Variants in TLE1 observed in about 807,000 individuals in gnomAD.
TLE1 encodes the protein TLE family member 1, transcriptional corepressor, also known as transducin-like enhancer protein 1.
Under a neutral mutation model 89.8 loss-of-function variants are expected in TLE1, and 21 were observed. That is an observed-to-expected ratio of 0.23 (90% CI 0.17 to 0.34). TLE1 has a LOEUF of 0.34. Among genes scored for constraint, TLE1 ranks in the 10% least tolerant of loss-of-function variants. The pLI, the probability that TLE1 is intolerant of heterozygous loss-of-function variation, is 1.00. For synonymous variants in TLE1, 447 were observed against 407.6 expected (o/e 1.10, Z -1.16); for missense variants, 795 against 1,031.2 (o/e 0.77, Z 3.14).
intron 14 of TLE1, among the ~76,000 whole-genome samples, chr9:81,598,615 C>A (rs1830520068): frequency 1.3e-5 from 2 of 152,042 alleles, no homozygotes; most frequent in African/African-American, 2.4e-5. Flanking sequence ...GGAAAATCTG[C>A]TAAAATAAGG....
chr9:81,688,603 T>G lies in TLE1; in HGVS notation c.-363A>C. 4.1e-6 allele frequency: 1 copy of G among 246,344 alleles called. No homozygotes were observed. Among genetic ancestry groups the G allele is most frequent in the Non-Finnish European group, 7.7e-6 (1 of 130,130 alleles). 15.3% of individuals were successfully genotyped at this position (246,344 alleles called of 1,614,324 possible). On this transcript the variant is annotated 5_prime_UTR_variant, in exon 1 of 20. Transcript: ENST00000376499. ...GGGGGCGCGGTGACTCCGACCGCAC[T>G]CCCCTCGGCGATCCGCGTGCGCGGC... is the stretch of plus-strand genomic sequence containing the variant.
Position 81,634,256 on chromosome 9 carries a change from G to A in TLE1, c.418C>T (p.Pro140Ser), listed in dbSNP as rs757829888. Residue 140 changes from proline (P) to serine (S), a missense_variant, in exon 7 of 20, where the codon CCA (proline) becomes TCA (serine). Around this residue, in one of 4 missense-constraint regions of TLE1, gnomAD observed 468 missense variants for 509.1 expected, o/e 0.92. Transcript: ENST00000376499. ...AQHLSHGHGP[P>S]VPLTPHPSGL... ...GAAGGGTGAGGCGTAAGGGGAACTG[G>A]GGGTCCGTGGCCATGAGAAAGATGC... 1.3e-6 allele frequency: 2 copies of A among 1,565,960 alleles called. No homozygotes were observed. Among genetic ancestry groups the A allele is most frequent in the Non-Finnish European group, 1.7e-6 (2 of 1,150,944 alleles).
intron 1 of TLE1, 44 bp from the exon 2 acceptor site, chr9:81,687,478 C>G: frequency 1.4e-6 from 2 of 1,474,834 alleles, no homozygotes; most frequent in Non-Finnish European, 1.9e-6. Flanking sequence ...GGAATGCGGG[C>G]GGATGAATAA....
At chr9:81,654,501 C>T (rs1056495238) in intron 4 of TLE1, among the ~76,000 whole-genome samples, 1 of 152,084 alleles carries the variant, frequency 6.6e-6, no homozygotes, top group Non-Finnish European at 1.5e-5. Flanking sequence ...CCACCACTCC[C>T]GGCTAATTTT....
chr9:81,663,587 T>C (rs1243132558), intron 4 of TLE1, among the ~76,000 whole-genome samples: 1 of 151,802 alleles, frequency 6.6e-6, no homozygotes, highest in African/African-American at 2.4e-5. Flanking sequence ...CACCGTGCCC[T>C]TGCTACCCTA....
At chr9:81,637,009 AAAAAAAAG>A (rs1215433405) in intron 6 of TLE1, among the ~76,000 whole-genome samples, 11 of 150,664 alleles carry the variant, frequency 7.3e-5, no homozygotes, top group African/African-American at 2.5e-4. Context: ...TCTCAAAAAA[AAAAAAAAG>A]AAAAAAGAAA....
intron 4 of TLE1, among the ~76,000 whole-genome samples, chr9:81,657,011 T>C (rs1830222798): frequency 6.6e-6 from 1 of 152,226 alleles, no homozygotes; most frequent in Non-Finnish European, 1.5e-5. Flanking sequence ...ATATTGAGTT[T>C]TGTTGACCTT....
At chr9:81,618,181 A>C (rs761145427) in intron 9 of TLE1, among the ~76,000 whole-genome samples, 20 of 152,246 alleles carry the variant, frequency 1.3e-4, no homozygotes, top group Middle Eastern at 3.2e-3. Flanking sequence ...AAAGCAGGAC[A>C]TCTCAATGGT....
intron 8 of TLE1, among the ~76,000 whole-genome samples, chr9:81,627,151 T>C (rs1826004636): frequency 6.6e-6 from 1 of 151,984 alleles, no homozygotes; most frequent in Non-Finnish European, 1.5e-5. Flanking sequence ...CCTCCTTATC[T>C]CAAAGATGAG....
chr9:81,657,124 T>C (rs1830236031), intron 4 of TLE1, among the ~76,000 whole-genome samples: 1 of 152,242 alleles, frequency 6.6e-6, no homozygotes, highest in Admixed American at 6.5e-5. Flanking sequence ...TATTTATTGC[T>C]CCACTCTATG....
chr9:81,683,870 T>C (rs1025676185), intron 4 of TLE1, among the ~76,000 whole-genome samples: 1 of 152,126 alleles, frequency 6.6e-6, no homozygotes, highest in Non-Finnish European at 1.5e-5. Flanking sequence ...TCTCACACCA[T>C]GGTGCTTCTG....
At position 81,613,607 on chromosome 9, in the gene TLE1, G is replaced by C. The variant is rs1824000173; in HGVS notation, c.919-86C>G. 8.0e-6 allele frequency: 12 copies of C among 1,501,014 alleles called. No homozygotes were observed. The South Asian group carries it at 1.5e-4, about 19-fold the overall frequency. The allele number at this position is 1,501,014 out of a possible 1,614,324, so 93.0% of individuals were successfully genotyped here. On this transcript the variant is annotated intron_variant, in intron 11 of 19. Transcript: ENST00000376499. ...TATCACAACAGCAGCTGGGACACTG[G>C]GCACCTTCTAGCTACTCCCTCAGCC...
intron 11 of TLE1, among the ~76,000 whole-genome samples, chr9:81,615,763 T>C (rs1297669533): frequency 6.7e-6 from 1 of 149,376 alleles, no homozygotes; most frequent in Non-Finnish European, 1.5e-5. Context: ...TGAACACAGA[T>C]GCGTGTACAC....
intron 6 of TLE1, among the ~76,000 whole-genome samples, chr9:81,642,575 T>C (rs1828268061): frequency 6.6e-6 from 1 of 150,984 alleles, no homozygotes; most frequent in Non-Finnish European, 1.5e-5. Context: ...GTGCCTATAA[T>C]CCCAGCTACT....
At chr9:81,600,334 G>C (rs995423217) in intron 14 of TLE1, among the ~76,000 whole-genome samples, 7 of 152,096 alleles carry the variant, frequency 4.6e-5, no homozygotes, top group African/African-American at 1.7e-4. Flanking sequence ...GGGAGAGAGA[G>C]AAGTAAAGTG....
At chr9:81,617,545 T>C (rs547629851) in intron 9 of TLE1, among the ~76,000 whole-genome samples, 29 of 151,274 alleles carry the variant, frequency 1.9e-4, no homozygotes, top group African/African-American at 6.6e-4. Context: ...CTACTAAAAA[T>C]ACAAAAATTA....
At chr9:81,681,420 G>A (rs1034686480) in intron 4 of TLE1, among the ~76,000 whole-genome samples, 2 of 151,870 alleles carry the variant, frequency 1.3e-5, no homozygotes, top group Non-Finnish European at 2.9e-5. Flanking sequence ...CATGGTGGTG[G>A]ACTCCTGTAA....
intron 6 of TLE1, among the ~76,000 whole-genome samples, chr9:81,646,576 A>G (rs1345869611): frequency 1.3e-5 from 2 of 152,198 alleles, no homozygotes; most frequent in African/African-American, 4.8e-5. Context: ...TAAGAGGCCA[A>G]CCTCATCCTC....
In TLE1 at chr9:81,597,884, G is replaced by A. The variant is rs1017472196; in HGVS notation, c.1332-4610C>T. On this transcript the variant is annotated intron_variant, in intron 14 of 19. Coordinates refer to ENST00000376499, the MANE Select transcript of TLE1 (RefSeq NM_005077.5). The stretch of plus-strand genomic sequence containing the variant: ...GGAAAACAAGACTGTGTTCCAAGGG[G>A]GCAGGTTGTTTTTTCCTAGCAGACC... 2.0e-5 allele frequency among the ~76,000 whole-genome samples: 3 copies of A among 152,168 alleles called. No individual in the cohort carries two copies. The East Asian group carries it at 5.8e-4, about 29-fold the overall frequency.
Sources: allele counts gnomAD v4.1 joint callset (sites outside exome capture counted in the v4.1 genomes callset), GRCh38; gene constraint gnomAD v4.1.1; regional missense constraint gnomAD v4.1.1; transcripts MANE v1.5; gene names NCBI Gene and HGNC (gene_info 2026-07-23, HGNC 2026-07-21).